CSTL1: variants seen among roughly 807,000 people sequenced by gnomAD.
The protein encoded by CSTL1 is cystatin-like 1.
CSTL1 carries 14 observed loss-of-function variants against 14.4 expected under a neutral mutation model. The observed-to-expected ratio is 0.97, with a 90% CI of 0.64 to 1.52. The LOEUF is 1.52. Ranked by LOEUF, CSTL1 falls within the 40% of genes most tolerant of loss-of-function variation. CSTL1 has a pLI of 0.00. For missense variants in CSTL1, 170 were observed against 168.7 expected (o/e 1.01, Z -0.04); for synonymous variants, 72 against 67.5 (o/e 1.07, Z -0.33).
downstream of CSTL1, among the ~76,000 whole-genome samples, chr20:23,445,236 T>C (rs1358738055): frequency 6.7e-6 from 1 of 149,246 alleles, no homozygotes; most frequent in African/African-American, 2.5e-5. Flanking sequence ...TCTTTCTTTT[T>C]TTTTTTTTTT....
In CSTL1 at chr20:23,440,120, G is replaced by A. The variant is rs947337516; in HGVS notation, c.-124-24G>A. The A allele has an allele frequency of 5.6e-6, 4 of 718,464 alleles. No homozygotes were observed. In the African/African-American group the frequency reaches 7.1e-5, roughly 13 times the overall value. The allele number at this position is 718,464 out of a possible 1,614,324, so 44.5% of individuals were successfully genotyped here. ...CTGGAAACTGAGTGACAAGGTTCAG[G>A]TCTGAATCTCTGTTTAAATGCAGGC... is the stretch of plus-strand genomic sequence containing the variant. On this transcript the variant is annotated intron_variant, in intron 1 of 3. Coordinates refer to ENST00000347397, the MANE Select transcript of CSTL1 (RefSeq NM_138283.1).
At chr20:23,457,264 C>A in the CSTL1 span, among the ~76,000 whole-genome samples, 3 of 152,178 alleles carry the variant, frequency 2.0e-5, no homozygotes, top group Non-Finnish European at 4.4e-5. Flanking sequence ...AGTCAGTCAC[C>A]ACTAGCTTGG....
downstream of CSTL1, among the ~76,000 whole-genome samples, chr20:23,449,136 A>C (rs1372120838): frequency 6.6e-6 from 1 of 152,214 alleles, no homozygotes. Flanking sequence ...CTCACAGTTC[A>C]CACATGCAGG....
rs1986798775 is a variant in CSTL1 at position 23,440,417 on chromosome 20, A to G, written c.150A>G (p.Gln50=). The G allele has an allele frequency of 6.2e-7, 1 of 1,614,152 alleles. No individual in the cohort carries two copies. The highest frequency in any genetic ancestry group is 1.6e-4 in the Middle Eastern group (1 of 6,062). Residue 50 remains glutamine (Q), a synonymous_variant, in exon 2 of 4, where the codon CAA becomes CAG. Coordinates refer to ENST00000347397, the MANE Select transcript of CSTL1 (RefSeq NM_138283.1). ...NMNSTLNFFI[Q]SYNNASNDTY... is the part of the protein sequence containing the mutation. ...ATTCAACACTCAACTTCTTCATTCA[A>G]TCCTACAACAATGCCAGCAACGACA...
downstream of CSTL1, among the ~76,000 whole-genome samples, chr20:23,449,441 A>G (rs1235000102): frequency 6.6e-6 from 1 of 151,656 alleles, no homozygotes; most frequent in Non-Finnish European, 1.5e-5. Flanking sequence ...TGTGTTTGCT[A>G]TGGTGTCCCT....
At chr20:23,450,544 G>T in the CSTL1 span, 1 of 1,612,518 alleles carries the variant, frequency 6.2e-7, no homozygotes, top group Non-Finnish European at 8.5e-7. Flanking sequence ...ATTTTGTACT[G>T]TTCAAACCAG....
intron 2 of CSTL1, among the ~76,000 whole-genome samples, chr20:23,443,403 G>C (rs1180111448): frequency 6.6e-6 from 1 of 152,212 alleles, no homozygotes; most frequent in African/African-American, 2.4e-5. Context: ...AAGTGAAAAA[G>C]CTGAGGATGC....
chr20:23,454,414 G>A, the CSTL1 span, among the ~76,000 whole-genome samples: 6 of 151,172 alleles, frequency 4.0e-5, no homozygotes, highest in South Asian at 6.3e-4. Context: ...ACCCCCCCAC[G>A]CATACATACC....
chr20:23,446,842 C>A (rs1986978355), downstream of CSTL1, among the ~76,000 whole-genome samples: 1 of 152,074 alleles, frequency 6.6e-6, no homozygotes, highest in South Asian at 2.1e-4. Context: ...GGGAGTATTG[C>A]TAAAGGGGAA....
downstream of CSTL1, among the ~76,000 whole-genome samples, chr20:23,447,226 C>T (rs988409195): frequency 2.0e-5 from 3 of 152,210 alleles, no homozygotes; most frequent in African/African-American, 7.2e-5. Context: ...TGGAGTCATA[C>T]AATATATATT....
At chr20:23,446,387 C>G (rs1971766695), downstream of CSTL1, among the ~76,000 whole-genome samples, 1 of 152,160 alleles carries the variant, frequency 6.6e-6, no homozygotes, top group Non-Finnish European at 1.5e-5. Flanking sequence ...TCCCTAGTAG[C>G]TGGGACTACA....
the CSTL1 span, chr20:23,452,869 A>G: frequency 1.5e-6 from 2 of 1,377,174 alleles, no homozygotes; most frequent in Non-Finnish European, 2.0e-6. Context: ...GACAAGTCGA[A>G]TCACACTGAC....
At chr20:23,457,222 C>T in the CSTL1 span, among the ~76,000 whole-genome samples, 10 of 152,286 alleles carry the variant, frequency 6.6e-5, no homozygotes, top group Admixed American at 4.6e-4. Flanking sequence ...TCAACCCAGC[C>T]GCTTCTTGGC....
the CSTL1 span, among the ~76,000 whole-genome samples, chr20:23,450,970 A>G: frequency 1.3e-5 from 2 of 151,396 alleles, no homozygotes; most frequent in South Asian, 4.2e-4. Flanking sequence ...TTATCCCTCC[A>G]TTCATCTACC....
the CSTL1 span, chr20:23,450,288 T>C: frequency 2.3e-6 from 1 of 428,794 alleles, no homozygotes; most frequent in Non-Finnish European, 4.2e-6. Flanking sequence ...TCAGGAATAA[T>C]GTAGGTCACC....
At position 23,444,874 on chromosome 20, in the gene CSTL1, G is replaced by C; in HGVS notation, c.434G>C (p.Arg145Thr). The change falls in exon 4 of 4, where the codon AGA (arginine) becomes ACA (threonine). Residue 145 changes from arginine to threonine, a missense_variant. Arg to Thr is a moderately conservative substitution (Grantham distance 71, BLOSUM62 -1). Coordinates refer to ENST00000347397, the MANE Select transcript of CSTL1 (RefSeq NM_138283.1). ...LEAEHVGRNLR is the reference protein window; with the variant it reads ...LEAEHVGRNLT ...GCCGAGCATGTGGGCAGAAACCTCA[G>C]ATGAGGGCTCATATGATTGAGTTGT... 6.2e-7 allele frequency: 1 copy of C among 1,602,084 alleles called. No homozygotes were observed. The highest frequency in any genetic ancestry group is 8.6e-7 in the Non-Finnish European group (1 of 1,169,114).
chr20:23,451,451 G>A, the CSTL1 span, among the ~76,000 whole-genome samples: 3 of 152,158 alleles, frequency 2.0e-5, no homozygotes, highest in South Asian at 2.1e-4. Flanking sequence ...CAGCACTTGC[G>A]CGGCCTTGTC....
chr20:23,454,451 C>T, the CSTL1 span, among the ~76,000 whole-genome samples: 17 of 152,256 alleles, frequency 1.1e-4, no homozygotes, highest in Non-Finnish European at 2.2e-4. Flanking sequence ...CACACAGACA[C>T]AGTACACACA....
intron 2 of CSTL1, 74 bp from the exon 3 acceptor site, chr20:23,443,860 C>T (rs1291964415): frequency 2.3e-5 from 25 of 1,108,506 alleles, no homozygotes; most frequent in Non-Finnish European, 3.3e-5. Context: ...TACTCTCAGT[C>T]CTAGCTTCTC....
Sources: allele counts gnomAD v4.1 joint callset (sites outside exome capture counted in the v4.1 genomes callset), GRCh38; gene constraint gnomAD v4.1.1; transcripts MANE v1.5; gene names NCBI Gene and HGNC (gene_info 2026-07-23, HGNC 2026-07-21).